Variants in UBE2L3 observed in about 807,000 individuals in gnomAD.
UBE2L3 encodes the protein ubiquitin-conjugating enzyme E2 L3.
In UBE2L3, 1 loss-of-function variant was observed where a neutral mutation model predicts 17.8. The observed-to-expected ratio is 0.06, with a 90% CI of 0.02 to 0.27. The LOEUF is 0.27. Ranked by LOEUF, UBE2L3 falls within the 10% of genes least tolerant of loss-of-function variation. The pLI is 1.00. For synonymous variants in UBE2L3, 44 were observed against 68.5 expected (o/e 0.64, Z 1.76); for missense variants, 40 against 192.6 (o/e 0.21, Z 4.69).
chr22:21,568,227 C>A (rs76717548), intron 1 of UBE2L3: 1 of 988,674 alleles, frequency 1.0e-6, no homozygotes, highest in Non-Finnish European at 1.2e-6. Context: ...TCCGCTTGGC[C>A]CGGCCGCAGC....
rs1406863017 is a variant in UBE2L3 at position 21,622,796 on chromosome 22, G to C, written c.*1127G>C. The C allele has an allele frequency of 6.5e-6, 1 of 152,916 alleles. No homozygotes were observed. Among genetic ancestry groups the C allele is most frequent in the East Asian group, 1.9e-4 (1 of 5,342 alleles). 9.5% of individuals were successfully genotyped at this position (152,916 alleles called of 1,614,324 possible). ...GCCAGCCCAGCCCGGGAACAAGACGGACTTCCTCTCCCTTCGGACTCACAG... is the reference window on the plus strand; with the variant it reads ...GCCAGCCCAGCCCGGGAACAAGACGCACTTCCTCTCCCTTCGGACTCACAG... On this transcript the variant is annotated 3_prime_UTR_variant, in exon 4 of 4. Coordinates refer to ENST00000342192, the MANE Select transcript of UBE2L3 (RefSeq NM_003347.4).
intron 2 of UBE2L3, among the ~76,000 whole-genome samples, chr22:21,602,359 G>C (rs1423227442): frequency 6.6e-6 from 1 of 152,184 alleles, no homozygotes; most frequent in Non-Finnish European, 1.5e-5. Context: ...CCACAAGGAC[G>C]TGCCATGTAG....
chr22:21,607,022 G>A (rs756341711), intron 2 of UBE2L3, among the ~76,000 whole-genome samples: 1 of 152,192 alleles, frequency 6.6e-6, no homozygotes, highest in Non-Finnish European at 1.5e-5. Flanking sequence ...CCACTCCTCA[G>A]CCTTATGTCA....
At chr22:21,607,850 C>T (rs921340630) in intron 2 of UBE2L3, among the ~76,000 whole-genome samples, 1 of 152,144 alleles carries the variant, frequency 6.6e-6, no homozygotes, top group Non-Finnish European at 1.5e-5. Flanking sequence ...AGGGTCCAGC[C>T]ATTGAGCTGA....
intron 1 of UBE2L3, among the ~76,000 whole-genome samples, chr22:21,573,306 T>A (rs758416421): frequency 5.9e-5 from 9 of 152,032 alleles, no homozygotes; most frequent in Non-Finnish European, 1.2e-4. Flanking sequence ...ACCAGCCTTG[T>A]CTCTCCCCAC....
chr22:21,563,362 T>A (rs1307237610), upstream of UBE2L3, among the ~76,000 whole-genome samples: 1 of 143,478 alleles, frequency 7.0e-6, no homozygotes, highest in Non-Finnish European at 1.5e-5. Context: ...GCATCCTGCC[T>A]AACACAGTGA....
intron 2 of UBE2L3, among the ~76,000 whole-genome samples, chr22:21,601,590 T>C (rs771691316): frequency 6.6e-6 from 1 of 151,878 alleles, no homozygotes; most frequent in Non-Finnish European, 1.5e-5. Flanking sequence ...GCTGGGATTA[T>C]AGGTATGAGC....
intron 3 of UBE2L3, among the ~76,000 whole-genome samples, chr22:21,612,736 C>G (rs375519804): frequency 6.8e-6 from 1 of 147,148 alleles, no homozygotes; most frequent in African/African-American, 2.5e-5. Flanking sequence ...CTCCGCCTCC[C>G]GGGTTCAAGC....
chr22:21,617,490 C>T (rs1410437591), intron 3 of UBE2L3, among the ~76,000 whole-genome samples: 1 of 152,108 alleles, frequency 6.6e-6, no homozygotes, highest in Non-Finnish European at 1.5e-5. Flanking sequence ...TGGTCTTGAA[C>T]TCCTGAGCTC....
intron 1 of UBE2L3, chr22:21,568,382 G>A: frequency 1.0e-6 from 1 of 985,510 alleles, no homozygotes; most frequent in Non-Finnish European, 1.2e-6. Context: ...CAGCGGGTAA[G>A]TTCCAACTCC....
intron 3 of UBE2L3, among the ~76,000 whole-genome samples, chr22:21,615,293 C>G (rs188708666): frequency 1.3e-5 from 2 of 152,242 alleles, no homozygotes; most frequent in South Asian, 4.1e-4. Flanking sequence ...CGGTGGCTCA[C>G]GCCTGTAGTC....
upstream of UBE2L3, chr22:21,567,544 C>T: frequency 1.7e-6 from 2 of 1,193,826 alleles, no homozygotes; most frequent in Non-Finnish European, 2.3e-6. Context: ...TTGGACGATC[C>T]GTAAACGCTG....
rs1243153653 is a variant in UBE2L3 at position 21,593,919 on chromosome 22, C to T, written c.123+963C>T. Among the ~76,000 whole-genome samples, 6 of 152,140 alleles carry T rather than the reference C, an allele frequency of 3.9e-5. No individual in the cohort carries two copies. In the East Asian group the frequency reaches 7.7e-4, roughly 20 times the overall value. On this transcript the variant is annotated intron_variant, in intron 2 of 3. Coordinates refer to ENST00000342192, the MANE Select transcript of UBE2L3 (RefSeq NM_003347.4). ...GCTGTTCTCCTGTTCTGTTTTGTCT[C>T]GGGACCCTACTACTTTCGGCATCAT...
intron 1 of UBE2L3, among the ~76,000 whole-genome samples, chr22:21,572,321 G>A (rs544583461): frequency 7.2e-4 from 109 of 150,356 alleles, no homozygotes; most frequent in Admixed American, 1.3e-3. Flanking sequence ...TGTAATCCCA[G>A]CTACTCGGGA....
chr22:21,614,621 A>C (rs780342800), intron 3 of UBE2L3: 71 of 1,367,318 alleles, frequency 5.2e-5, no homozygotes, highest in Admixed American at 9.5e-5. Context: ...GACCTCCTCA[A>C]TTCACAACCT....
intron 2 of UBE2L3, among the ~76,000 whole-genome samples, chr22:21,594,004 G>A (rs1385544411): frequency 6.6e-6 from 1 of 151,954 alleles, no homozygotes; most frequent in Non-Finnish European, 1.5e-5. Context: ...CCTTCTCCCC[G>A]GAAGCTGCAC....
rs1346908903 is a variant in UBE2L3, at chr22:21,607,469, C to T, written c.124-3388C>T. Among the ~76,000 whole-genome samples, 14 of 147,198 alleles carry T rather than the reference C, an allele frequency of 9.5e-5. 1 individual carries two copies. Among genetic ancestry groups the T allele is most frequent in the African/African-American group, 3.3e-4 (13 of 39,728 alleles). On this transcript the variant is annotated intron_variant, in intron 2 of 3. Coordinates refer to ENST00000342192, the MANE Select transcript of UBE2L3 (RefSeq NM_003347.4). ...GGCAGAGGTTGCAGTGAGCTGAGATCGCGCCACTGCACTCCAGCCTGGGCG... is the reference window on the plus strand; with the variant it reads ...GGCAGAGGTTGCAGTGAGCTGAGATTGCGCCACTGCACTCCAGCCTGGGCG...
intron 1 of UBE2L3, among the ~76,000 whole-genome samples, chr22:21,590,514 A>T (rs908119077): frequency 6.6e-6 from 1 of 152,238 alleles, no homozygotes; most frequent in Non-Finnish European, 1.5e-5. Context: ...CATACTTTAT[A>T]CTGTTGGAGT....
chr22:21,578,201 C>CA (rs1001395324), intron 1 of UBE2L3, among the ~76,000 whole-genome samples: 38 of 150,060 alleles, frequency 2.5e-4, no homozygotes, highest in African/African-American at 6.4e-4. Flanking sequence ...ACTAAAAATA[C>CA]AAAAAAAAAT....
Sources: gnomAD v4.1 joint callset for allele counts (sites outside exome capture counted in the v4.1 genomes callset) on GRCh38, gnomAD v4.1.1 for gene constraint, MANE v1.5 for transcripts, NCBI Gene and HGNC (gene_info 2026-07-23, HGNC 2026-07-21) for gene names.